Variants in ASTN2 observed in about 807,000 individuals in gnomAD.
ASTN2 encodes the protein astrotactin 2.
ASTN2 carries 54 observed loss-of-function variants against 139.8 expected under a neutral mutation model. That is an observed-to-expected ratio of 0.39 (90% confidence interval 0.31 to 0.48). The LOEUF (loss-of-function observed/expected upper bound fraction) is 0.48. Among genes scored for constraint, ASTN2 ranks in the 20% least tolerant of loss-of-function variants. ASTN2 has a pLI of 0.95. For missense variants in ASTN2, 1,565 were observed against 1,725.1 expected (o/e 0.91, Z 1.64); for synonymous variants, 756 against 719.5 (o/e 1.05, Z -0.81).
chr9:116,533,672 T>G (rs1851472063), intron 19 of ASTN2, among the ~76,000 whole-genome samples: 1 of 152,240 alleles, frequency 6.6e-6, no homozygotes, highest in Admixed American at 6.5e-5. Context: ...TTTATTGATT[T>G]GCATATGTTG....
intron 19 of ASTN2, among the ~76,000 whole-genome samples, chr9:116,602,510 T>C (rs1854956510): frequency 6.6e-6 from 1 of 152,192 alleles, no homozygotes; most frequent in Non-Finnish European, 1.5e-5. Flanking sequence ...GGAGGACATC[T>C]CCTATATTAT....
intron 12 of ASTN2, among the ~76,000 whole-genome samples, chr9:116,815,820 A>AAAAAACAAAC (rs1831310477): frequency 6.7e-6 from 1 of 148,202 alleles, no homozygotes; most frequent in African/African-American, 2.5e-5. Flanking sequence ...AAAAAAAAAA[A>AAAAAACAAAC]AAAAAAAAGT....
intron 1 of ASTN2, among the ~76,000 whole-genome samples, chr9:117,411,446 CAAAA>C (rs199996219): frequency 4.6e-5 from 2 of 43,244 alleles, no homozygotes; most frequent in East Asian, 4.3e-4. Flanking sequence ...AAAGGATCTG[CAAAA>C]AAAAAAAAAA....
Position 116,487,342 on chromosome 9 carries a change from C to T in ASTN2, c.3497+17G>A. The T allele has an allele frequency of 2.5e-6, 4 of 1,613,184 alleles. No individual in the cohort carries two copies. The highest frequency in any genetic ancestry group is 2.2e-5 in the South Asian group (2 of 90,896). On this transcript the variant is annotated intron_variant, in intron 20 of 22. Transcript: ENST00000313400. The stretch of plus-strand genomic sequence containing the variant: ...TCCTGTCTGCCTCATGATCCCCACA[C>T]ACCCAACACATCTTACTTGTAGAGA...
intron 6 of ASTN2, among the ~76,000 whole-genome samples, chr9:117,018,927 A>C (rs114935809): frequency 7.1e-4 from 108 of 152,206 alleles, no homozygotes; most frequent in African/African-American, 2.5e-3. Context: ...ACATGTCCTA[A>C]ATTGCACAGC....
intron 1 of ASTN2, among the ~76,000 whole-genome samples, chr9:117,301,940 G>C (rs1834885514): frequency 6.6e-6 from 1 of 151,988 alleles, no homozygotes; most frequent in Admixed American, 6.6e-5. Context: ...TATGATAGCT[G>C]TGAGAATAAC....
intron 10 of ASTN2, among the ~76,000 whole-genome samples, chr9:116,966,719 A>G (rs928493238): frequency 6.7e-5 from 10 of 150,232 alleles, no homozygotes; most frequent in East Asian, 2.0e-4. Flanking sequence ...AAAAAAAAAA[A>G]GGAGGGATGT....
At chr9:116,626,609 T>G (rs1856475704) in intron 17 of ASTN2, among the ~76,000 whole-genome samples, 1 of 152,070 alleles carries the variant, frequency 6.6e-6, no homozygotes, top group South Asian at 2.1e-4. Context: ...GAGACAATTG[T>G]GATCACAGCT....
intron 2 of ASTN2, among the ~76,000 whole-genome samples, chr9:117,223,152 G>T (rs981923595): frequency 8.5e-5 from 13 of 152,172 alleles, no homozygotes; most frequent in African/African-American, 3.1e-4. Flanking sequence ...AGATCATAGT[G>T]GGCATGATGG....
At chr9:116,750,483 T>G (rs564476563) in intron 13 of ASTN2, among the ~76,000 whole-genome samples, 41 of 152,198 alleles carry the variant, frequency 2.7e-4, no homozygotes, top group Non-Finnish European at 5.0e-4. Flanking sequence ...CTAATGAGCT[T>G]TGCAAAATGA....
At chr9:117,085,432 A>G (rs757682810) in intron 5 of ASTN2, among the ~76,000 whole-genome samples, 5 of 152,180 alleles carry the variant, frequency 3.3e-5, no homozygotes, top group Non-Finnish European at 7.3e-5. Flanking sequence ...CAAGCTCCCA[A>G]TGTGGCATCA....
At chr9:116,972,694 C>T (rs139635491) in intron 10 of ASTN2, among the ~76,000 whole-genome samples, 103 of 152,324 alleles carry the variant, frequency 6.8e-4, no homozygotes, top group African/African-American at 2.4e-3. Flanking sequence ...TGGTAAGTCA[C>T]AGCCTGTACA....
chr9:117,366,557 C>A (rs746436846), intron 1 of ASTN2, among the ~76,000 whole-genome samples: 1 of 152,108 alleles, frequency 6.6e-6, no homozygotes, highest in Non-Finnish European at 1.5e-5. Flanking sequence ...TCCCCCCTCT[C>A]TCTAACTCCT....
At chr9:116,900,876 CTTTAT>C in intron 10 of ASTN2, among the ~76,000 whole-genome samples, 1 of 152,248 alleles carries the variant, frequency 6.6e-6, no homozygotes. Context: ...TCTCTACGGG[CTTTAT>C]TTTATTTTTG....
chr9:117,127,215 T>A (rs555274295), intron 4 of ASTN2, among the ~76,000 whole-genome samples: 1 of 152,344 alleles, frequency 6.6e-6, no homozygotes, highest in African/African-American at 2.4e-5. Flanking sequence ...GTTATTTCTA[T>A]GTAGTTCTGC....
chr9:117,325,247 C>T (rs1828476777), intron 1 of ASTN2, among the ~76,000 whole-genome samples: 1 of 152,206 alleles, frequency 6.6e-6, no homozygotes, highest in African/African-American at 2.4e-5. Flanking sequence ...CCTCCCCTTC[C>T]AGATGCCACA....
At chr9:117,386,089 T>C (rs1347969189) in intron 1 of ASTN2, among the ~76,000 whole-genome samples, 1 of 152,026 alleles carries the variant, frequency 6.6e-6, no homozygotes, top group Non-Finnish European at 1.5e-5. Flanking sequence ...GTTACCTTCT[T>C]AACTGCCTAA....
chr9:117,276,464 G>A (rs539266530), intron 2 of ASTN2, among the ~76,000 whole-genome samples: 60 of 152,280 alleles, frequency 3.9e-4, no homozygotes, highest in African/African-American at 1.4e-3. Flanking sequence ...ACAGCCTCTG[G>A]TGACTTTACA....
intron 19 of ASTN2, among the ~76,000 whole-genome samples, chr9:116,535,119 C>T (rs1488469651): frequency 6.6e-6 from 1 of 152,170 alleles, no homozygotes; most frequent in African/African-American, 2.4e-5. Context: ...TATGTAATGG[C>T]CTTCTTTGTC....
Sources: gnomAD v4.1 joint callset for allele counts (sites outside exome capture counted in the v4.1 genomes callset) on GRCh38, gnomAD v4.1.1 for gene constraint, MANE v1.5 for transcripts, NCBI Gene and HGNC (gene_info 2026-07-23, HGNC 2026-07-21) for gene names.